CYP46A1: variants seen among roughly 807,000 people sequenced by gnomAD.
CYP46A1 encodes cytochrome P450 family 46 subfamily A member 1, also known as cholesterol 24-hydroxylase.
CYP46A1 carries 20 observed loss-of-function variants against 63.3 expected under a neutral mutation model. That is an observed-to-expected ratio of 0.32 (90% confidence interval 0.22 to 0.46). The LOEUF is 0.46. Among genes scored for constraint, CYP46A1 ranks in the 20% least tolerant of loss-of-function variants. CYP46A1 has a pLI of 1.00. For synonymous variants in CYP46A1, 268 were observed against 273.6 expected (o/e 0.98, Z 0.20); for missense variants, 445 against 670.8 (o/e 0.66, Z 3.72).
chr14:99,705,520 C>A (rs2140124119), intron 5 of CYP46A1, among the ~76,000 whole-genome samples: 1 of 152,286 alleles, frequency 6.6e-6, no homozygotes, highest in African/African-American at 2.4e-5. Context: ...CCCCATTTCT[C>A]TTTTTAAAAA....
At chr14:99,707,535 C>G (rs758273838) in intron 6 of CYP46A1, 33 bp from the exon 7 acceptor site, 1 of 1,589,282 alleles carries the variant, frequency 6.3e-7, no homozygotes, top group Non-Finnish European at 8.6e-7. Flanking sequence ...CTTCTGTGCC[C>G]CAGGGATGAC....
At chr14:99,700,127 C>T in intron 5 of CYP46A1, 26 bp downstream of exon 5, 1 of 1,570,374 alleles carries the variant, frequency 6.4e-7, no homozygotes, top group Non-Finnish European at 8.7e-7. Context: ...GGCTCCGTGG[C>T]TCCTGCCTGG....
In CYP46A1 at chr14:99,699,495, G is replaced by A. The variant is rs748350226; in HGVS notation, c.312G>A (p.Lys104=). 1.7e-5 allele frequency: 28 copies of A among 1,614,158 alleles called. No individual in the cohort carries two copies. The highest frequency in any genetic ancestry group is 2.3e-5 in the Non-Finnish European group (27 of 1,180,024). ...TCCTGATGTCAACCAAGTACAACAA[G>A]GACTCCAAGATGTACCGTGCGCTCC... ...KKFLMSTKYN[K]DSKMYRALQT... is the part of the protein sequence containing the mutation. Residue 104 remains lysine (K), a synonymous_variant, in exon 4 of 15, where the codon AAG becomes AAA. Coordinates refer to ENST00000261835, the MANE Select transcript of CYP46A1 (RefSeq NM_006668.2).
At chr14:99,713,865 C>CAA (rs71113218) in intron 7 of CYP46A1, among the ~76,000 whole-genome samples, 7,108 of 66,958 alleles carry the variant, frequency 0.11, 822 homozygotes, top group East Asian at 0.18. Flanking sequence ...GACTCCATCT[C>CAA]AAAAAAAAAA....
intron 7 of CYP46A1, chr14:99,713,314 C>G (rs1212481990): frequency 1.3e-5 from 2 of 151,930 alleles, no homozygotes; most frequent in African/African-American, 2.4e-5. Context: ...CCTATAGTCC[C>G]AGCTACTTGG....
intron 1 of CYP46A1, chr14:99,684,776 T>G (rs963418289): frequency 1.6e-6 from 1 of 610,868 alleles, no homozygotes; most frequent in East Asian, 3.4e-5. Context: ...GCCACAGCCC[T>G]TTCAGGTAGG....
rs540958867 is a variant in CYP46A1, at chr14:99,726,369, C to T, written c.1332+113C>T. ...CTCTGGGGCTGCTGGGCTGTGGGCT[C>T]GGGACCCAGCGGAGCCAGACCCAGA... On this transcript the variant is annotated intron_variant, in intron 14 of 14. Transcript: ENST00000261835. The T allele has an allele frequency of 3.8e-4, 374 of 982,666 alleles. 1 individual carries two copies. Among genetic ancestry groups the T allele is most frequent in the Middle Eastern group, 7.4e-4 (2 of 2,708 alleles). The allele number at this position is 982,666 out of a possible 1,614,324, so 60.9% of individuals were successfully genotyped here. A position where few individuals can be genotyped will look rare whatever the true frequency, so the allele number is the denominator to read the frequency against.
intron 5 of CYP46A1, among the ~76,000 whole-genome samples, chr14:99,701,428 A>G (rs2056629482): frequency 6.6e-6 from 1 of 152,196 alleles, no homozygotes; most frequent in South Asian, 2.1e-4. Context: ...TAGATATACA[A>G]ATACCATTGT....
rs1289518839 is a variant in CYP46A1 at position 99,726,195 on chromosome 14, G to A, written c.1271G>A (p.Arg424Gln). 1.3e-5 allele frequency: 21 copies of A among 1,613,776 alleles called. No homozygotes were observed. Among genetic ancestry groups the A allele is most frequent in the East Asian group, 4.5e-5 (2 of 44,880 alleles). Reference protein sequence around the residue: ...DRFGPGAPKPRFTYFPFSLGH... With the variant: ...DRFGPGAPKPQFTYFPFSLGH... ...ATTCCTCTCTTTCCCTGCAGGCCACGGTTCACCTACTTCCCCTTCTCCCTG... is the reference window on the plus strand; with the variant it reads ...ATTCCTCTCTTTCCCTGCAGGCCACAGTTCACCTACTTCCCCTTCTCCCTG... The change falls in exon 14 of 15, where the codon CGG (arginine) becomes CAG (glutamine). Residue 424 changes from arginine to glutamine, a missense_variant. Coordinates refer to ENST00000261835, the MANE Select transcript of CYP46A1 (RefSeq NM_006668.2).
chr14:99,699,391 G>T, intron 3 of CYP46A1, 75 bp from the exon 4 acceptor site: 3 of 1,375,474 alleles, frequency 2.2e-6, no homozygotes, highest in Non-Finnish European at 3.1e-6. Flanking sequence ...TGATTATTTG[G>T]GGCATGTCTC....
chr14:99,719,723 G>A (rs1164811094), intron 10 of CYP46A1, among the ~76,000 whole-genome samples: 2 of 149,404 alleles, frequency 1.3e-5, no homozygotes, highest in Non-Finnish European at 3.0e-5. Context: ...CATCCATGTT[G>A]CAGTATGTGT....
chr14:99,722,101 G>A lies in CYP46A1; in HGVS notation c.1176+35G>A. On this transcript the variant is annotated intron_variant, in intron 12 of 14. Transcript: ENST00000261835. This position sits in a 1 kb window ranked among gnomAD's most constrained non-coding sequence, Gnocchi z 4.6. ...GGCCCTGGGGGTCCTGGGGTGGGCT[G>A]GGCTGCTTGCCCCAATGGTGGTGAA... is the stretch of plus-strand genomic sequence containing the variant. The A allele has an allele frequency of 6.5e-7, 1 of 1,540,452 alleles. No individual in the cohort carries two copies. The highest frequency in any genetic ancestry group is 8.9e-7 in the Non-Finnish European group (1 of 1,120,708).
intron 5 of CYP46A1, chr14:99,703,550 T>A (rs2056649933): frequency 1.0e-6 from 1 of 983,752 alleles, no homozygotes; most frequent in Non-Finnish European, 1.2e-6. Flanking sequence ...ACCACTGTGC[T>A]TTTTCTGGCA....
At chr14:99,686,785 A>G (rs2056498164) in intron 1 of CYP46A1, among the ~76,000 whole-genome samples, 1 of 152,200 alleles carries the variant, frequency 6.6e-6, no homozygotes, top group African/African-American at 2.4e-5. Flanking sequence ...GAAGATGAAT[A>G]TAATCATGAT....
intron 7 of CYP46A1, chr14:99,711,254 AAAGC>A (rs2056728748): frequency 6.6e-6 from 1 of 152,150 alleles, no homozygotes; most frequent in East Asian, 1.9e-4. Context: ...AGGAATTAGA[AAAGC>A]AAGAACAAAT....
rs1427143440 is a variant in CYP46A1 at position 99,722,251 on chromosome 14, T to G, written c.1176+185T>G. Among the ~76,000 whole-genome samples the G allele has an allele frequency of 6.6e-6, 1 of 152,092 alleles. No individual in the cohort carries two copies. The highest frequency in any genetic ancestry group is 6.5e-5 in the Admixed American group (1 of 15,268). Reference sequence around the variant, plus strand: ...TGAGGGCTTTTTCCCCTCCTCACACTGTCCAGCAGAAGATTACAGGGGGTC... The same window carrying G: ...TGAGGGCTTTTTCCCCTCCTCACACGGTCCAGCAGAAGATTACAGGGGGTC... On this transcript the variant is annotated intron_variant, in intron 12 of 14. Transcript: ENST00000261835. The surrounding 1 kb of genome is among the most constrained non-coding windows in gnomAD (Gnocchi z 4.6).
intron 10 of CYP46A1, among the ~76,000 whole-genome samples, chr14:99,719,927 A>G (rs568198544): frequency 1.3e-5 from 2 of 151,644 alleles, no homozygotes; most frequent in African/African-American, 4.8e-5. Flanking sequence ...ATGCCTGGCT[A>G]ATTTTTTTTG....
At chr14:99,710,831 T>A (rs1209827013) in intron 7 of CYP46A1, 2 of 152,196 alleles carry the variant, frequency 1.3e-5, no homozygotes, top group Non-Finnish European at 2.9e-5. Flanking sequence ...AATAGACATT[T>A]ACAGAACTTT....
At chr14:99,691,608 A>G in intron 2 of CYP46A1, 172 bp from the exon 3 acceptor site, 2 of 626,724 alleles carry the variant, frequency 3.2e-6, no homozygotes, top group Admixed American at 5.8e-5. Flanking sequence ...GCAAGTGAGC[A>G]ACAGGGCAGA....
Sources: gnomAD v4.1 joint callset for allele counts (sites outside exome capture counted in the v4.1 genomes callset) on GRCh38, gnomAD v4.1.1 for gene constraint, Gnocchi (gnomAD v3.1) non-coding constraint, MANE v1.5 for transcripts, NCBI Gene and HGNC (gene_info 2026-07-23, HGNC 2026-07-21) for gene names.